LIX1: variants seen among roughly 807,000 people sequenced by gnomAD.
LIX1 encodes the protein limb and CNS expressed 1.
Under a neutral mutation model 33.4 loss-of-function variants are expected in LIX1, and 24 were observed. The observed-to-expected ratio is 0.72, with a 90% CI of 0.52 to 1.01. The LOEUF (loss-of-function observed/expected upper bound fraction) is 1.01. LIX1 is among the 50% of genes least tolerant of loss of function. LIX1 has a pLI of 0.00. For synonymous variants in LIX1, 124 were observed against 124.0 expected (o/e 1.00, Z 0.00); for missense variants, 311 against 339.2 (o/e 0.92, Z 0.65).
At chr5:97,139,250 T>C (rs1748234779) in intron 1 of LIX1, among the ~76,000 whole-genome samples, 1 of 152,196 alleles carries the variant, frequency 6.6e-6, no homozygotes, top group Non-Finnish European at 1.5e-5. Context: ...GAATAAATGT[T>C]TCTAGTACAG....
At chr5:97,124,731 A>G (rs888708933) in intron 1 of LIX1, 102 bp from the exon 2 acceptor site, 1 of 923,508 alleles carries the variant, frequency 1.1e-6, no homozygotes, top group African/African-American at 1.7e-5. Flanking sequence ...TGACAGTTCC[A>G]GTTTAAGTAG....
At chr5:97,102,378 C>T (rs574859979) in intron 4 of LIX1, among the ~76,000 whole-genome samples, 42 of 152,152 alleles carry the variant, frequency 2.8e-4, no homozygotes, top group Non-Finnish European at 5.1e-4. Context: ...GCATTTAACC[C>T]AGGCCACTAA....
chr5:97,122,794 C>T (rs937575420), intron 2 of LIX1, among the ~76,000 whole-genome samples: 4 of 152,132 alleles, frequency 2.6e-5, no homozygotes, highest in Non-Finnish European at 5.9e-5. Context: ...GTGCTGACCA[C>T]CAGAGTAGGA....
At chr5:97,103,156 A>G (rs1022210196) in intron 4 of LIX1, 1 of 430,996 alleles carries the variant, frequency 2.3e-6, no homozygotes, top group African/African-American at 2.1e-5. Context: ...TTTTAAAAGT[A>G]TTATTCCTCT....
rs771483854 is a variant in LIX1, at chr5:97,096,900, A to G, written c.484-13T>C. ...TGGTCATCAGCTCCTACAAAACCCAAACACCTATCATTGGTCCCAAAGCAG... is the reference window on the plus strand; with the variant it reads ...TGGTCATCAGCTCCTACAAAACCCAGACACCTATCATTGGTCCCAAAGCAG... On this transcript the variant is annotated splice_polypyrimidine_tract_variant and intron_variant, in intron 4 of 5. Transcript: ENST00000274382. 5 of 1,607,120 alleles carry G rather than the reference A, an allele frequency of 3.1e-6. No individual in the cohort carries two copies. The East Asian group carries it at 8.9e-5, about 29-fold the overall frequency.
At chr5:97,115,273 A>T (rs1258793908) in intron 2 of LIX1, among the ~76,000 whole-genome samples, 1 of 152,226 alleles carries the variant, frequency 6.6e-6, no homozygotes, top group African/African-American at 2.4e-5. Flanking sequence ...TGTATGTGTT[A>T]TAAATAGAAA....
intron 4 of LIX1, among the ~76,000 whole-genome samples, chr5:97,100,412 G>A (rs893751570): frequency 1.3e-5 from 2 of 152,182 alleles, no homozygotes; most frequent in Middle Eastern, 6.8e-3. Context: ...ATTCCCTAGG[G>A]AAGATGACCT....
chr5:97,106,123 C>A (rs962273140), intron 3 of LIX1, among the ~76,000 whole-genome samples: 3 of 152,208 alleles, frequency 2.0e-5, no homozygotes, highest in African/African-American at 4.8e-5. Flanking sequence ...CATGTATATT[C>A]TGTTTCCTTA....
At chr5:97,117,063 T>A (rs1273101319) in intron 2 of LIX1, among the ~76,000 whole-genome samples, 1 of 152,112 alleles carries the variant, frequency 6.6e-6, no homozygotes, top group Non-Finnish European at 1.5e-5. Flanking sequence ...AAATAAAGGG[T>A]CTCATTAAAG....
intron 5 of LIX1, 126 bp from the exon 6 acceptor site, chr5:97,095,161 A>T (rs535946022): frequency 1.0e-6 from 1 of 954,242 alleles, no homozygotes; most frequent in African/African-American, 1.7e-5. Flanking sequence ...TCATGTTCAA[A>T]AACTGAAACC....
chr5:97,097,328 G>A (rs1464949922), intron 4 of LIX1, among the ~76,000 whole-genome samples: 1 of 152,108 alleles, frequency 6.6e-6, no homozygotes, highest in Non-Finnish European at 1.5e-5. Context: ...CCATACTACT[G>A]AACACTTTGC....
At chr5:97,136,232 G>A (rs191503935) in intron 1 of LIX1, among the ~76,000 whole-genome samples, 2 of 152,194 alleles carry the variant, frequency 1.3e-5, no homozygotes, top group African/African-American at 2.4e-5. Context: ...AGCTCTAGCC[G>A]AGAGGGTGTG....
At chr5:97,104,716 A>G (rs1176878285) in intron 4 of LIX1, among the ~76,000 whole-genome samples, 1 of 152,154 alleles carries the variant, frequency 6.6e-6, no homozygotes, top group Non-Finnish European at 1.5e-5. Context: ...ACAGATTGTT[A>G]ATTTTTTTGA....
chr5:97,137,142 C>T (rs1329174767), intron 1 of LIX1: 1 of 441,464 alleles, frequency 2.3e-6, no homozygotes, highest in Non-Finnish European at 4.5e-6. Context: ...TGTAACTTAA[C>T]ACATGAGTTT....
intron 2 of LIX1, among the ~76,000 whole-genome samples, chr5:97,108,604 C>G (rs762022757): frequency 1.3e-4 from 20 of 152,152 alleles, no homozygotes; most frequent in Non-Finnish European, 2.8e-4. Context: ...AGTTGATGGC[C>G]TCTCTCCTAC....
intron 4 of LIX1, among the ~76,000 whole-genome samples, chr5:97,099,604 C>T (rs531962194): frequency 1.2e-4 from 18 of 151,866 alleles, no homozygotes; most frequent in Non-Finnish European, 2.6e-4. Flanking sequence ...TGGGAGGCTG[C>T]GGCAGGTGGA....
chr5:97,114,824 A>G (rs1419832728), intron 2 of LIX1, among the ~76,000 whole-genome samples: 1 of 152,228 alleles, frequency 6.6e-6, no homozygotes, highest in Non-Finnish European at 1.5e-5. Flanking sequence ...GAAAAACAAT[A>G]TGAAATTACA....
chr5:97,118,691 G>GA (rs35114204), intron 2 of LIX1, among the ~76,000 whole-genome samples: 1,679 of 151,334 alleles, frequency 0.011, 25 homozygotes, highest in African/African-American at 0.039. Flanking sequence ...ACAACTTTCT[G>GA]AAAAAAAAAT....
chr5:97,126,855 G>T (rs772921311), intron 1 of LIX1, among the ~76,000 whole-genome samples: 2 of 151,964 alleles, frequency 1.3e-5, no homozygotes, highest in Non-Finnish European at 2.9e-5. Context: ...AGCCAGGATG[G>T]TCTTGATCTC....
Sources: allele counts gnomAD v4.1 joint callset (sites outside exome capture counted in the v4.1 genomes callset), GRCh38; gene constraint gnomAD v4.1.1; transcripts MANE v1.5; gene names NCBI Gene and HGNC (gene_info 2026-07-23, HGNC 2026-07-21).